Variants in ARID1B observed in about 807,000 individuals in gnomAD.
ARID1B encodes AT-rich interaction domain 1B, also known as AT-rich interactive domain-containing protein 1B.
A neutral mutation model predicts 212.3 loss-of-function variants in ARID1B; 30 were observed. The observed-to-expected ratio is 0.14, with a 90% CI of 0.11 to 0.19. ARID1B has a LOEUF of 0.19. Among genes scored for constraint, ARID1B ranks in the 10% least tolerant of loss-of-function variants. The pLI, the probability that ARID1B is intolerant of heterozygous loss-of-function variation, is 1.00. For synonymous variants in ARID1B, 1,402 were observed against 1,301.7 expected (o/e 1.08, Z -1.66); for missense variants, 2,891 against 3,204.0 (o/e 0.90, Z 2.36).
At chr6:156,919,631 G>C (rs1422389181) in intron 3 of ARID1B, among the ~76,000 whole-genome samples, 1 of 152,192 alleles carries the variant, frequency 6.6e-6, no homozygotes, top group Non-Finnish European at 1.5e-5. Context: ...GGGCATGACT[G>C]TCTACCATGG....
chr6:156,918,848 G>T (rs1790565394), intron 3 of ARID1B, among the ~76,000 whole-genome samples: 1 of 152,172 alleles, frequency 6.6e-6, no homozygotes, highest in Non-Finnish European at 1.5e-5. Flanking sequence ...ATGCCAGGAG[G>T]ATGGGAATGA....
At chr6:156,896,709 T>A (rs571238249) in intron 2 of ARID1B, among the ~76,000 whole-genome samples, 2 of 150,854 alleles carry the variant, frequency 1.3e-5, no homozygotes, top group Non-Finnish European at 2.9e-5. Context: ...TGAAACCCCG[T>A]CTCTACTGAA....
In ARID1B at chr6:157,201,475, C is replaced by T; in HGVS notation, c.5250C>T (p.Thr1750=). ...TCTTGAAACAAAGGCGAAAGATTAC[C>T]TCCAAAGATATCGGTAAGAATTCCA... ...QPVLKQRRKI[T]SKDIVTPEAW... is the part of the protein sequence containing the mutation. Residue 1750 remains threonine, a synonymous_variant, in exon 18 of 20, where the codon ACC becomes ACT. Transcript: ENST00000636930. This position sits in a 1 kb window ranked among gnomAD's most constrained non-coding sequence, Gnocchi z 5.2. 2.0e-6 allele frequency: 3 copies of T among 1,500,312 alleles called. No homozygotes were observed. Among genetic ancestry groups the T allele is most frequent in the Non-Finnish European group, 2.7e-6 (3 of 1,124,128 alleles). The allele number at this position is 1,500,312 out of a possible 1,614,324, so 92.9% of individuals were successfully genotyped here. A position where few individuals can be genotyped will look rare whatever the true frequency, so the allele number is the denominator to read the frequency against.
intron 4 of ARID1B, among the ~76,000 whole-genome samples, chr6:156,994,243 T>C (rs776400820): frequency 2.0e-5 from 3 of 152,244 alleles, no homozygotes; most frequent in Non-Finnish European, 2.9e-5. Flanking sequence ...CCTTGAACTC[T>C]GTTTACCGTG....
At chr6:156,835,639 A>C (rs956354342) in intron 2 of ARID1B, among the ~76,000 whole-genome samples, 3 of 152,180 alleles carry the variant, frequency 2.0e-5, no homozygotes, top group African/African-American at 7.2e-5. Flanking sequence ...CTGTTTTGTC[A>C]TGTACACATG....
chr6:156,930,937 T>A (rs1309510034), intron 3 of ARID1B, among the ~76,000 whole-genome samples: 5 of 152,128 alleles, frequency 3.3e-5, no homozygotes, highest in African/African-American at 7.2e-5. Context: ...ATGCCTGTAA[T>A]CCCAGCACTT....
At chr6:156,829,128 G>A in intron 1 of ARID1B, 99 bp from the exon 2 acceptor site, 1 of 961,344 alleles carries the variant, frequency 1.0e-6, no homozygotes, top group African/African-American at 1.6e-5. Context: ...TAAAACTTAA[G>A]GATAGTTGTG....
At chr6:157,036,376 G>C (rs1371075560) in intron 4 of ARID1B, 1 of 153,484 alleles carries the variant, frequency 6.5e-6, no homozygotes, top group Non-Finnish European at 1.5e-5. Context: ...ACATTCCAGA[G>C]ATCCAGCGCT....
At chr6:156,904,880 TAATG>T (rs1169223518) in intron 3 of ARID1B, among the ~76,000 whole-genome samples, 1 of 152,264 alleles carries the variant, frequency 6.6e-6, no homozygotes, top group Non-Finnish European at 1.5e-5. Flanking sequence ...GTTTGAAACA[TAATG>T]AATTTCATGT....
At chr6:157,074,303 T>TGCAA (rs2128438936) in intron 4 of ARID1B, among the ~76,000 whole-genome samples, 1 of 152,300 alleles carries the variant, frequency 6.6e-6, no homozygotes, top group South Asian at 2.1e-4. Context: ...CTCAGCTCAC[T>TGCAA]GCAACCTCAG....
chr6:156,843,826 G>A (rs1265836419), intron 2 of ARID1B, among the ~76,000 whole-genome samples: 1 of 152,120 alleles, frequency 6.6e-6, no homozygotes, highest in African/African-American at 2.4e-5. Context: ...CCCTAAGTGG[G>A]TGAACTCAAA....
chr6:156,926,704 A>G (rs1791244466), intron 3 of ARID1B, among the ~76,000 whole-genome samples: 1 of 152,052 alleles, frequency 6.6e-6, no homozygotes, highest in African/African-American at 2.4e-5. Flanking sequence ...CTATTTTGAG[A>G]AGGAGTCTCT....
chr6:157,108,187 T>TG (rs1388799261), intron 5 of ARID1B, among the ~76,000 whole-genome samples: 3 of 152,336 alleles, frequency 2.0e-5, no homozygotes, highest in Admixed American at 2.0e-4. Context: ...AGAATGAATT[T>TG]GGTATGTGAA....
intron 4 of ARID1B, among the ~76,000 whole-genome samples, chr6:156,995,495 A>G (rs557795073): frequency 1.3e-5 from 2 of 152,206 alleles, no homozygotes; most frequent in Non-Finnish European, 2.9e-5. Context: ...GCTGAAAACC[A>G]TGTGGTCATA....
At position 157,174,870 on chromosome 6, in the gene ARID1B, T is replaced by A. The variant is rs534113119; in HGVS notation, c.3369T>A (p.Ile1123=). ...AGGATAGCTACAGCTCTCAGGGTATTTCTCAGCCCCCAACCCCAGGCAACC... is the reference window on the plus strand; with the variant it reads ...AGGATAGCTACAGCTCTCAGGGTATATCTCAGCCCCCAACCCCAGGCAACC... ...KSKDSYSSQG[I]SQPPTPGNLP... is the part of the protein sequence containing the mutation. Residue 1123 remains isoleucine, a synonymous_variant, in exon 11 of 20, where the codon ATT becomes ATA. Transcript: ENST00000636930. The A allele has an allele frequency of 6.4e-7, 1 of 1,557,846 alleles. No homozygotes were observed. Among genetic ancestry groups the A allele is most frequent in the East Asian group, 2.5e-5 (1 of 39,934 alleles).
chr6:157,129,725 T>C (rs1788402479), intron 6 of ARID1B, among the ~76,000 whole-genome samples: 1 of 152,186 alleles, frequency 6.6e-6, no homozygotes, highest in African/African-American at 2.4e-5. Flanking sequence ...CCAGTGACAA[T>C]TGAGATAGTT....
At chr6:156,860,417 A>C (rs186600603) in intron 2 of ARID1B, among the ~76,000 whole-genome samples, 17 of 152,262 alleles carry the variant, frequency 1.1e-4, no homozygotes, top group Admixed American at 1.1e-3. Context: ...AAAATGAAAC[A>C]GGACAGAAGC....
intron 6 of ARID1B, among the ~76,000 whole-genome samples, chr6:157,131,523 A>G (rs1788547944): frequency 6.6e-6 from 1 of 151,976 alleles, no homozygotes; most frequent in Non-Finnish European, 1.5e-5. Context: ...AAGGAGCACG[A>G]TGTTGTCTTC....
chr6:157,034,848 T>C (rs1781223986), intron 4 of ARID1B, among the ~76,000 whole-genome samples: 1 of 152,250 alleles, frequency 6.6e-6, no homozygotes, highest in African/African-American at 2.4e-5. Flanking sequence ...AGGGTACATA[T>C]ATATGTAAAC....
Sources: gnomAD v4.1 joint callset for allele counts (sites outside exome capture counted in the v4.1 genomes callset) on GRCh38, gnomAD v4.1.1 for gene constraint, Gnocchi (gnomAD v3.1) non-coding constraint, MANE v1.5 for transcripts, NCBI Gene and HGNC (gene_info 2026-07-23, HGNC 2026-07-21) for gene names.